B4GALT5: variants seen among roughly 807,000 people sequenced by gnomAD.
The protein encoded by B4GALT5 is UDP-Gal:beta-GlcNAc beta-1,4-galactosyltransferase 5.
B4GALT5 carries 11 observed loss-of-function variants against 45.0 expected under a neutral mutation model. The observed-to-expected ratio is 0.24, with a 90% CI of 0.15 to 0.40. The LOEUF (loss-of-function observed/expected upper bound fraction) is 0.40. Ranked by LOEUF, B4GALT5 falls within the 10% of genes least tolerant of loss-of-function variation. The pLI is 1.00. For synonymous variants in B4GALT5, 185 were observed against 182.9 expected (o/e 1.01, Z -0.09); for missense variants, 337 against 500.2 (o/e 0.67, Z 3.11).
At chr20:49,642,665 G>A in intron 4 of B4GALT5, 81 bp from the exon 5 acceptor site, 1 of 939,360 alleles carries the variant, frequency 1.1e-6, no homozygotes, top group South Asian at 1.5e-5. Flanking sequence ...ATGAATTGCT[G>A]ACCAACCCAT....
chr20:49,637,818 A>T (rs1018888668), intron 7 of B4GALT5, among the ~76,000 whole-genome samples: 2 of 151,876 alleles, frequency 1.3e-5, no homozygotes, highest in Non-Finnish European at 2.9e-5. Flanking sequence ...GCAGGTCTGT[A>T]ATCCCAGCTA....
At chr20:49,659,646 T>C (rs917298693) in intron 1 of B4GALT5, among the ~76,000 whole-genome samples, 3 of 152,192 alleles carry the variant, frequency 2.0e-5, no homozygotes, top group Admixed American at 6.5e-5. Flanking sequence ...AACTTGGGAT[T>C]GGATGGCATT....
chr20:49,702,921 G>T (rs1426631561), intron 1 of B4GALT5, among the ~76,000 whole-genome samples: 4 of 151,736 alleles, frequency 2.6e-5, no homozygotes, highest in African/African-American at 9.7e-5. Flanking sequence ...CGCCTGTAAT[G>T]TCAGCACTTT....
rs763303440 is a variant in B4GALT5, at chr20:49,640,126, T to TTG, written c.795-327_795-326insCA. Among the ~76,000 whole-genome samples the TTG allele has an allele frequency of 4.6e-5, 7 of 152,276 alleles. No individual in the cohort carries two copies. In the East Asian group the frequency reaches 7.7e-4, roughly 17 times the overall value. ...CGCAAAGCCTTGCACCCATTAGCAA[T>TTG]CACCCCCTGCTCCTCCTATCCTCCT... On this transcript the variant is annotated intron_variant, in intron 6 of 8. Coordinates refer to ENST00000371711, the MANE Select transcript of B4GALT5 (RefSeq NM_004776.4).
At chr20:49,654,537 T>C (rs141312846) in intron 2 of B4GALT5, among the ~76,000 whole-genome samples, 42 of 152,334 alleles carry the variant, frequency 2.8e-4, no homozygotes, top group African/African-American at 1.0e-3. Context: ...CAGTCCTCTG[T>C]TGCTAAAGTG....
intron 1 of B4GALT5, among the ~76,000 whole-genome samples, chr20:49,702,744 G>A (rs112508146): frequency 6.6e-6 from 1 of 151,858 alleles, no homozygotes; most frequent in Non-Finnish European, 1.5e-5. Flanking sequence ...GGTCTCAGCT[G>A]CTTGGGAGGC....
At chr20:49,638,163 C>T (rs777557354) in intron 7 of B4GALT5, among the ~76,000 whole-genome samples, 4 of 151,826 alleles carry the variant, frequency 2.6e-5, no homozygotes, top group South Asian at 2.1e-4. Context: ...GGACTACAGG[C>T]GTGTGCCACC....
intron 1 of B4GALT5, among the ~76,000 whole-genome samples, chr20:49,674,418 G>A (rs2085729186): frequency 6.6e-6 from 1 of 152,018 alleles, no homozygotes; most frequent in Non-Finnish European, 1.5e-5. Flanking sequence ...TTCTATGCCC[G>A]TAAAGTATTC....
intron 8 of B4GALT5, 116 bp from the exon 9 acceptor site, chr20:49,636,575 G>A: frequency 8.2e-7 from 1 of 1,212,314 alleles, no homozygotes; most frequent in Non-Finnish European, 1.1e-6. Context: ...CAGCACTTCT[G>A]CAGCACAAGG....
rs1258654991 is a variant in B4GALT5, at chr20:49,633,476, A to T, written c.*2836T>A. On this transcript the variant is annotated 3_prime_UTR_variant, in exon 9 of 9. Coordinates refer to ENST00000371711, the MANE Select transcript of B4GALT5 (RefSeq NM_004776.4). ...AACATGACAATTTCACACTATTAAC[A>T]GCACACGGGCCTGGCTGTACGTTTT... is the stretch of plus-strand genomic sequence containing the variant. 6.7e-6 allele frequency: 1 copy of T among 150,212 alleles called. No homozygotes were observed. Among genetic ancestry groups the T allele is most frequent in the African/African-American group, 2.5e-5 (1 of 40,522 alleles). The allele number at this position is 150,212 out of a possible 1,614,324, so 9.3% of individuals were successfully genotyped here.
chr20:49,679,443 C>T (rs1328453782), intron 1 of B4GALT5, among the ~76,000 whole-genome samples: 2 of 151,476 alleles, frequency 1.3e-5, no homozygotes, highest in Non-Finnish European at 2.9e-5. Context: ...CCGAGACAGG[C>T]GGATCATGAG....
intron 1 of B4GALT5, among the ~76,000 whole-genome samples, chr20:49,673,906 C>G (rs1170079918): frequency 6.6e-6 from 1 of 151,824 alleles, no homozygotes; most frequent in Admixed American, 6.6e-5. Context: ...TTGTGTTATT[C>G]TTGCAACTTT....
At chr20:49,699,364 G>A (rs1167107191) in intron 1 of B4GALT5, among the ~76,000 whole-genome samples, 5 of 82,824 alleles carry the variant, frequency 6.0e-5, no homozygotes, top group Admixed American at 3.7e-4. Context: ...AATCCTAAAT[G>A]GGCAAAAAAA....
chr20:49,647,629 CTGT>C (rs1366005602), intron 2 of B4GALT5, among the ~76,000 whole-genome samples: 2 of 152,344 alleles, frequency 1.3e-5, no homozygotes, highest in African/African-American at 4.8e-5. Flanking sequence ...TACGATGCTG[CTGT>C]TAAGTACTAG....
chr20:49,694,597 A>T (rs1383743647), intron 1 of B4GALT5, among the ~76,000 whole-genome samples: 1 of 151,648 alleles, frequency 6.6e-6, no homozygotes, highest in Non-Finnish European at 1.5e-5. Flanking sequence ...TGATCACACC[A>T]CTGCACTCCA....
At chr20:49,712,393 T>C (rs1282899575) in intron 1 of B4GALT5, among the ~76,000 whole-genome samples, 1 of 151,724 alleles carries the variant, frequency 6.6e-6, no homozygotes, top group Non-Finnish European at 1.5e-5. Context: ...CTTCATGCTG[T>C]CTTTCCTTCT....
intron 1 of B4GALT5, among the ~76,000 whole-genome samples, chr20:49,709,930 T>C: frequency 6.6e-6 from 1 of 152,234 alleles, no homozygotes; most frequent in East Asian, 1.9e-4. Flanking sequence ...TGTGAGATGG[T>C]ACCCCATTTC....
chr20:49,663,067 G>A (rs767094382), intron 1 of B4GALT5, among the ~76,000 whole-genome samples: 1 of 152,210 alleles, frequency 6.6e-6, no homozygotes, highest in Non-Finnish European at 1.5e-5. Flanking sequence ...CCACGTGAAT[G>A]AATCTCTCAC....
intron 1 of B4GALT5, among the ~76,000 whole-genome samples, chr20:49,670,581 A>G (rs915729909): frequency 6.6e-6 from 1 of 152,222 alleles, no homozygotes; most frequent in Admixed American, 6.5e-5. Context: ...AAAGAATGCA[A>G]TTCTATAGCA....
Sources: allele counts gnomAD v4.1 joint callset (sites outside exome capture counted in the v4.1 genomes callset), GRCh38; gene constraint gnomAD v4.1.1; transcripts MANE v1.5; gene names NCBI Gene and HGNC (gene_info 2026-07-23, HGNC 2026-07-21).